HSD17B13: variants seen among roughly 807,000 people sequenced by gnomAD.
HSD17B13 encodes the protein 17-beta-hydroxysteroid dehydrogenase 13.
In HSD17B13, 26 loss-of-function variants were observed where a neutral mutation model predicts 31.1. The ratio of observed to expected loss-of-function variants is 0.84; its 90% CI spans 0.61 to 1.16. The LOEUF (loss-of-function observed/expected upper bound fraction) is 1.16. HSD17B13 is among the 50% of genes most tolerant of loss of function. HSD17B13 has a pLI of 0.00. For synonymous variants in HSD17B13, 141 were observed against 133.7 expected, an observed-to-expected ratio of 1.05 and a Z score of -0.38; for missense variants, 374 against 366.5, an observed-to-expected ratio of 1.02 and a Z score of -0.17.
intron 6 of HSD17B13, 88 bp downstream of exon 6, chr4:87,310,155 C>G (rs893724554): frequency 6.4e-6 from 9 of 1,416,054 alleles, no homozygotes; most frequent in Non-Finnish European, 8.3e-6. Context: ...GCCAGGGTGA[C>G]AGAGTGAGAC....
At chr4:87,309,855 G>A (rs1340242963) in intron 6 of HSD17B13, among the ~76,000 whole-genome samples, 1 of 152,044 alleles carries the variant, frequency 6.6e-6, no homozygotes, top group East Asian at 1.9e-4. Context: ...ACTGAAAGAT[G>A]CTCCATAATA....
chr4:87,306,626 G>A (rs866443764), intron 6 of HSD17B13, among the ~76,000 whole-genome samples: 5 of 152,066 alleles, frequency 3.3e-5, no homozygotes, highest in African/African-American at 1.2e-4. Flanking sequence ...GGAAGAGAGT[G>A]GCTGGCCCGG....
At chr4:87,310,783 T>G (rs1734513768) in intron 5 of HSD17B13, among the ~76,000 whole-genome samples, 2 of 152,194 alleles carry the variant, frequency 1.3e-5, no homozygotes, top group Admixed American at 6.5e-5. Flanking sequence ...TCCATAAAGC[T>G]GGATTGTTTT....
chr4:87,318,266 T>C (rs1734700828), intron 2 of HSD17B13, 63 bp downstream of exon 2: 1 of 1,261,890 alleles, frequency 7.9e-7, no homozygotes, highest in Admixed American at 1.7e-5. Flanking sequence ...CCTTTCTCAT[T>C]TTCCACGTCA....
At chr4:87,319,148 C>T (rs1734724867) in intron 1 of HSD17B13, among the ~76,000 whole-genome samples, 1 of 152,122 alleles carries the variant, frequency 6.6e-6, no homozygotes. Context: ...TTCCATTGCA[C>T]TCCAACCTGG....
In HSD17B13 at chr4:87,322,776, C is replaced by T; in HGVS notation, c.66G>A (p.Leu22=). The T allele has an allele frequency of 6.2e-7, 1 of 1,613,778 alleles. No homozygotes were observed. The highest frequency in any genetic ancestry group is 8.5e-7 in the Non-Finnish European group (1 of 1,179,662). ...ITIIYSYLES[L]VKFFIPQRRK... Reference sequence around the variant, plus strand: ...TCCTCTGAGGAATGAAAAACTTCACCAACGACTCCAAGTAGGAGTAGATGA... The same window carrying T: ...TCCTCTGAGGAATGAAAAACTTCACTAACGACTCCAAGTAGGAGTAGATGA... Residue 22 remains leucine, a synonymous_variant, in exon 1 of 7, where the codon TTG becomes TTA. Transcript: ENST00000328546.
At position 87,318,364 on chromosome 4, in the gene HSD17B13, T is replaced by A. The variant is rs147558643; in HGVS notation, c.283A>T (p.Ser95Cys). The A allele has an allele frequency of 1.9e-5, 31 of 1,614,034 alleles. No individual in the cohort carries two copies. Among genetic ancestry groups the A allele is most frequent in the Non-Finnish European group, 2.5e-5 (30 of 1,179,964 alleles). Residue 95 changes from serine to cysteine, a missense_variant, in exon 2 of 7, where the codon AGC (serine) becomes TGC (cysteine). Physicochemically the swap from Ser to Cys is moderately radical, Grantham distance 112 (BLOSUM62 -1). Transcript: ENST00000328546. ...VTAHAYVVDC[S>C]NREEIYRSLN... ...GAGCGATAGATCTCTTCTCTGTTGC[T>A]GCAGTCTACCACATACGCATGCGCA... is the stretch of plus-strand genomic sequence containing the variant.
chr4:87,315,383 T>C (rs1205017942), intron 4 of HSD17B13, 110 bp downstream of exon 4: 3 of 488,794 alleles, frequency 6.1e-6, no homozygotes, highest in South Asian at 4.9e-5. Flanking sequence ...TTTTGTCCAA[T>C]TCTTTGTTCA....
chr4:87,308,563 C>T (rs1734447065), intron 6 of HSD17B13, among the ~76,000 whole-genome samples: 1 of 136,668 alleles, frequency 7.3e-6, no homozygotes, highest in Non-Finnish European at 1.5e-5. Context: ...CGCCTGTAGT[C>T]CCAGCAACTA....
At chr4:87,306,885 C>T (rs1264196603) in intron 6 of HSD17B13, among the ~76,000 whole-genome samples, 1 of 109,988 alleles carries the variant, frequency 9.1e-6, no homozygotes, top group Non-Finnish European at 1.7e-5. Context: ...CCAGCCTGGG[C>T]AACAGAGTGA....
chr4:87,318,920 C>T (rs1734720474), intron 1 of HSD17B13, among the ~76,000 whole-genome samples: 1 of 151,832 alleles, frequency 6.6e-6, no homozygotes, highest in Non-Finnish European at 1.5e-5. Context: ...GTGGCTCACG[C>T]CTGTAATCCC....
intron 5 of HSD17B13, among the ~76,000 whole-genome samples, chr4:87,312,034 TCTAAGTTAGCCC>T (rs1734540547): frequency 6.6e-6 from 1 of 152,124 alleles, no homozygotes; most frequent in African/African-American, 2.4e-5. Context: ...TGTGTCTACC[TCTAAGTTAGCCC>T]CCAGGAACCC....
In HSD17B13 at chr4:87,304,081, A is replaced by T. The variant is rs11727374; in HGVS notation, c.*1137T>A. 2 of 151,674 alleles carry T rather than the reference A, an allele frequency of 1.3e-5. No homozygotes were observed. The highest frequency in any genetic ancestry group is 3.9e-4 in the East Asian group (2 of 5,134). The allele number at this position is 151,674 out of a possible 1,614,324, so 9.4% of individuals were successfully genotyped here. ...TCCCAGCACTTTGGGAGGCCGAGGC[A>T]GGTGGATCACGAGGTCAGGAGATCG... is the stretch of plus-strand genomic sequence containing the variant. On this transcript the variant is annotated 3_prime_UTR_variant, in exon 7 of 7. Transcript: ENST00000328546.
intron 1 of HSD17B13, among the ~76,000 whole-genome samples, chr4:87,318,794 T>A (rs1211926160): frequency 8.5e-6 from 1 of 117,682 alleles, no homozygotes; most frequent in East Asian, 2.2e-4. Flanking sequence ...TGAGACTCTG[T>A]CTCAAAAAAA....
chr4:87,321,506 T>G (rs1012796833), intron 1 of HSD17B13, among the ~76,000 whole-genome samples: 1 of 152,206 alleles, frequency 6.6e-6, no homozygotes, highest in Non-Finnish European at 1.5e-5. Context: ...TTATTTATAT[T>G]TTTGGACAAA....
chr4:87,322,593 A>T, intron 1 of HSD17B13, 39 bp downstream of exon 1: 1 of 1,364,142 alleles, frequency 7.3e-7, no homozygotes, highest in Non-Finnish European at 1.0e-6. Flanking sequence ...TACATATCTT[A>T]CTCTGTGACT....
rs531069291 is a variant in HSD17B13 at position 87,305,036 on chromosome 4, G to A, written c.*182C>T. The A allele has an allele frequency of 3.1e-5, 13 of 414,342 alleles. No homozygotes were observed. The highest frequency in any genetic ancestry group is 5.5e-5 in the Non-Finnish European group (13 of 236,430). 25.7% of individuals were successfully genotyped at this position (414,342 alleles called of 1,614,324 possible). ...GAAAAACAGACCTATGAAAAACTACGTAAATATTCTTGAGAAACAGGAAGA... is the reference window on the plus strand; with the variant it reads ...GAAAAACAGACCTATGAAAAACTACATAAATATTCTTGAGAAACAGGAAGA... On this transcript the variant is annotated 3_prime_UTR_variant, in exon 7 of 7. Transcript: ENST00000328546.
chr4:87,309,384 CAAAAA>C (rs369280214), intron 6 of HSD17B13, among the ~76,000 whole-genome samples: 2 of 50,098 alleles, frequency 4.0e-5, no homozygotes, highest in Non-Finnish European at 7.9e-5. Context: ...AACTCTGTCT[CAAAAA>C]AAAAAAAAAA....
chr4:87,313,687 G>GATA (rs1197825300), intron 5 of HSD17B13, 136 bp downstream of exon 5: 10 of 682,484 alleles, frequency 1.5e-5, no homozygotes, highest in South Asian at 2.4e-5. Flanking sequence ...TTAATTTCAA[G>GATA]ATAATAATAA....
Sources: gnomAD v4.1 joint callset for allele counts (sites outside exome capture counted in the v4.1 genomes callset) on GRCh38, gnomAD v4.1.1 for gene constraint, MANE v1.5 for transcripts, NCBI Gene and HGNC (gene_info 2026-07-23, HGNC 2026-07-21) for gene names.